CPM: variants seen among roughly 807,000 people sequenced by gnomAD.
CPM encodes the protein carboxypeptidase M.
In CPM, 35 loss-of-function variants were observed where a neutral mutation model predicts 46.4. That is an observed-to-expected ratio of 0.75 (90% CI 0.58 to 1.00). The LOEUF is 1.00. CPM is among the 50% of genes least tolerant of loss of function. The pLI is 0.00. For missense variants in CPM, 422 were observed against 530.4 expected (o/e 0.80, Z 2.01); for synonymous variants, 195 against 195.3 (o/e 1.00, Z 0.01).
intron 2 of CPM, among the ~76,000 whole-genome samples, chr12:68,909,609 G>A (rs1887495257): frequency 6.6e-6 from 1 of 151,968 alleles, no homozygotes; most frequent in Non-Finnish European, 1.5e-5. Flanking sequence ...ATGATAGACT[G>A]GATTAAGAAA....
At chr12:68,880,942 G>A (rs1886162415) in intron 3 of CPM, among the ~76,000 whole-genome samples, 2 of 152,230 alleles carry the variant, frequency 1.3e-5, no homozygotes, top group Admixed American at 6.5e-5. Context: ...AATATCTACA[G>A]TATGAGCCAT....
intron 1 of CPM, among the ~76,000 whole-genome samples, chr12:68,946,262 A>T (rs1451883636): frequency 6.6e-6 from 1 of 152,138 alleles, no homozygotes; most frequent in Non-Finnish European, 1.5e-5. Flanking sequence ...TCATAGCAGG[A>T]CCAATTTATT....
Position 68,856,643 on chromosome 12 carries a change from C to T in CPM, c.1126G>A (p.Val376Met). ...TTCTGGGATTTCTCCGGAATAATCA[C>T]CTTTGTGATGTGTGGATCATGTCCA... is the stretch of plus-strand genomic sequence containing the variant. ...VPGHDPHITK[V>M]IIPEKSQNFS... Residue 376 changes from valine (V) to methionine (M), a missense_variant, in exon 9 of 9, where the codon GTG becomes ATG. Coordinates refer to ENST00000551568, the MANE Select transcript of CPM (RefSeq NM_198320.5). 3 of 1,614,190 alleles carry T rather than the reference C, an allele frequency of 1.9e-6. No individual in the cohort carries two copies. The highest frequency in any genetic ancestry group is 2.5e-6 in the Non-Finnish European group (3 of 1,180,028).
chr12:68,899,709 C>T (rs1887036863), intron 2 of CPM, among the ~76,000 whole-genome samples: 1 of 152,178 alleles, frequency 6.6e-6, no homozygotes, highest in African/African-American at 2.4e-5. Flanking sequence ...AGACTGTAGA[C>T]GATGGGTGAG....
At chr12:68,945,846 CTTTTTTTTTTTTTTTT>C (rs1170064808) in intron 1 of CPM, among the ~76,000 whole-genome samples, 1 of 88,460 alleles carries the variant, frequency 1.1e-5, no homozygotes, top group African/African-American at 4.8e-5. Flanking sequence ...TTCTTTCTTT[CTTTTTTTTTTTTTTTT>C]TTTTTTTTGA....
At chr12:68,908,153 C>T (rs1362483081) in intron 2 of CPM, among the ~76,000 whole-genome samples, 1 of 152,198 alleles carries the variant, frequency 6.6e-6, no homozygotes, top group Non-Finnish European at 1.5e-5. Flanking sequence ...ACTATTATCT[C>T]AAACTCATTT....
chr12:68,865,164 G>A (rs1218006478), intron 7 of CPM, among the ~76,000 whole-genome samples: 1 of 152,168 alleles, frequency 6.6e-6, no homozygotes, highest in East Asian at 1.9e-4. Flanking sequence ...CTAAGCAAGA[G>A]AGAACCCAAG....
chr12:68,874,716 G>GT (rs1428341819), intron 3 of CPM, among the ~76,000 whole-genome samples: 1 of 152,180 alleles, frequency 6.6e-6, no homozygotes. Flanking sequence ...GTGACCAGGA[G>GT]TCCCATAGTT....
chr12:68,947,890 T>G (rs752283395), intron 1 of CPM, among the ~76,000 whole-genome samples: 1 of 152,078 alleles, frequency 6.6e-6, no homozygotes, highest in Admixed American at 6.5e-5. Flanking sequence ...TTATAAAAAT[T>G]TATACTAATG....
chr12:68,845,629 C>A (rs999738415), intron 5 of CPM: 1 of 176,824 alleles, frequency 5.7e-6, no homozygotes, highest in African/African-American at 2.4e-5. Context: ...AAAAAAAATT[C>A]GATAGGCATT....
chr12:68,885,921 T>A (rs1389353955), intron 2 of CPM, 32 bp from the exon 3 acceptor site: 7 of 1,579,274 alleles, frequency 4.4e-6, no homozygotes, highest in Non-Finnish European at 6.1e-6. Context: ...GATGGAAAAG[T>A]AAGTTGTCTC....
At chr12:68,907,221 C>A (rs1324305919) in intron 2 of CPM, among the ~76,000 whole-genome samples, 1 of 152,310 alleles carries the variant, frequency 6.6e-6, no homozygotes, top group East Asian at 1.9e-4. Flanking sequence ...TTCAACCCTG[C>A]CTCATGAAGG....
At chr12:68,865,630 A>G (rs1301979840) in intron 7 of CPM, among the ~76,000 whole-genome samples, 1 of 151,846 alleles carries the variant, frequency 6.6e-6, no homozygotes, top group South Asian at 2.1e-4. Flanking sequence ...ACACACACAC[A>G]CACTCACACT....
chr12:68,874,572 C>T (rs577655802), intron 3 of CPM, among the ~76,000 whole-genome samples: 7 of 151,850 alleles, frequency 4.6e-5, no homozygotes, highest in Non-Finnish European at 7.4e-5. Context: ...GCCGAGATCG[C>T]GCCACCAGCT....
intron 3 of CPM, among the ~76,000 whole-genome samples, chr12:68,883,929 C>T (rs149755684): frequency 2.6e-5 from 2 of 76,732 alleles, no homozygotes; most frequent in South Asian, 4.4e-4. Context: ...ACCCCCATCT[C>T]TACTAAAAAA....
At chr12:68,962,162 T>C (rs989089521) in intron 1 of CPM, among the ~76,000 whole-genome samples, 5 of 146,064 alleles carry the variant, frequency 3.4e-5, no homozygotes, top group Non-Finnish European at 7.4e-5. Flanking sequence ...ATAGCGCCAC[T>C]GCACTCCAGC....
intron 2 of CPM, among the ~76,000 whole-genome samples, chr12:68,923,160 AGTGT>A (rs869087872): frequency 0.056 from 2,530 of 45,354 alleles, 28 homozygotes; most frequent in East Asian, 0.1. Flanking sequence ...TTTGATATAG[AGTGT>A]GTGTGTGTGT....
At chr12:68,850,783 G>T (rs1426468363), downstream of CPM, 1 of 152,106 alleles carries the variant, frequency 6.6e-6, no homozygotes, top group Non-Finnish European at 1.5e-5. Context: ...TAAGGAAATG[G>T]TCCCATAGCT....
At chr12:68,940,990 C>A (rs1325620161) in intron 1 of CPM, among the ~76,000 whole-genome samples, 2 of 152,184 alleles carry the variant, frequency 1.3e-5, no homozygotes, top group East Asian at 3.9e-4. Flanking sequence ...AACAACCCAC[C>A]TTTTCTCTCT....
Sources: allele counts gnomAD v4.1 joint callset (sites outside exome capture counted in the v4.1 genomes callset), GRCh38; gene constraint gnomAD v4.1.1; transcripts MANE v1.5; gene names NCBI Gene and HGNC (gene_info 2026-07-23, HGNC 2026-07-21).